The following CCM2 variants were observed in gnomAD, a reference collection of about 807,000 sequenced individuals.
The protein encoded by CCM2 is CCM2 scaffold protein, also known as cerebral cavernous malformations 2 protein.
CCM2 carries 25 observed loss-of-function variants against 44.9 expected under a neutral mutation model. The ratio of observed to expected loss-of-function variants is 0.56; its 90% CI spans 0.41 to 0.78. The LOEUF (loss-of-function observed/expected upper bound fraction) is 0.78, where lower values mean the gene tolerates loss of function less well. Ranked by LOEUF, CCM2 falls within the 30% of genes least tolerant of loss-of-function variation. The probability of loss-of-function intolerance (pLI) is 0.00; values close to 1 mark genes in which losing one functional copy is unlikely to be tolerated. For missense variants in CCM2, 481 were observed against 580.6 expected, an observed-to-expected ratio of 0.83 and a Z score of 1.76; for synonymous variants, 219 against 241.1, an observed-to-expected ratio of 0.91 and a Z score of 0.85.
At chr7:45,005,835 G>A (rs911312499) in intron 1 of CCM2, among the ~76,000 whole-genome samples, 3 of 152,216 alleles carry the variant, frequency 2.0e-5, no homozygotes, top group African/African-American at 4.8e-5. Context: ...GGTTGAGACC[G>A]GGACTGTGTC....
chr7:45,037,030 G>A (rs186122427), intron 1 of CCM2, among the ~76,000 whole-genome samples: 35 of 152,256 alleles, frequency 2.3e-4, no homozygotes, highest in African/African-American at 8.2e-4. Context: ...TTGCAGGCCT[G>A]CGTGATGTTT....
chr7:45,034,664 G>A (rs928424063), intron 1 of CCM2, among the ~76,000 whole-genome samples: 10 of 145,866 alleles, frequency 6.9e-5, no homozygotes, highest in African/African-American at 2.5e-4. Flanking sequence ...GATTACAGGC[G>A]CCCGCCACCA....
At chr7:44,999,765 C>T (rs934886085), upstream of CCM2, 3 of 449,710 alleles carry the variant, frequency 6.7e-6, no homozygotes, top group African/African-American at 6.0e-5. Flanking sequence ...AGTCGGCCGC[C>T]GTAAAGATGG....
intron 1 of CCM2, among the ~76,000 whole-genome samples, chr7:45,005,947 T>A (rs1405170951): frequency 1.3e-5 from 2 of 152,214 alleles, no homozygotes; most frequent in African/African-American, 4.8e-5. Context: ...TTGAAGCCAC[T>A]GGAGGTGTTC....
chr7:45,027,534 AAC>A (rs1383535862), intron 1 of CCM2: 13 of 1,280,322 alleles, frequency 1.0e-5, no homozygotes, highest in Admixed American at 8.6e-5. Context: ...GGATTTTGCC[AAC>A]AGTTTCTGGG....
At chr7:45,036,237 T>C (rs1797212578) in intron 1 of CCM2, among the ~76,000 whole-genome samples, 1 of 152,090 alleles carries the variant, frequency 6.6e-6, no homozygotes, top group African/African-American at 2.4e-5. Flanking sequence ...AGACTTTCTG[T>C]TGTGTTTTTT....
chr7:45,006,291 A>G (rs1237668148), intron 1 of CCM2, among the ~76,000 whole-genome samples: 1 of 150,338 alleles, frequency 6.7e-6, no homozygotes, highest in Non-Finnish European at 1.5e-5. Flanking sequence ...TGAAGCCCCT[A>G]CTTCCAGGAC....
At chr7:45,000,922 C>G (rs1264643701) in intron 1 of CCM2, among the ~76,000 whole-genome samples, 1 of 152,138 alleles carries the variant, frequency 6.6e-6, no homozygotes, top group African/African-American at 2.4e-5. Context: ...CAAAATGTGG[C>G]TTTAATTACA....
At chr7:45,065,151 T>TAGAATTGGGC (rs11276086) in intron 4 of CCM2, among the ~76,000 whole-genome samples, 3 of 151,766 alleles carry the variant, frequency 2.0e-5, no homozygotes, top group Admixed American at 6.6e-5. Flanking sequence ...CACAATGGGA[T>TAGAATTGGGC]AGAATTGGGC....
chr7:45,073,080 G>T (rs982945560), intron 7 of CCM2: 1 of 590,010 alleles, frequency 1.7e-6, no homozygotes, highest in Admixed American at 2.9e-5. Flanking sequence ...CGAGCCTGCC[G>T]AGGCGCTGGC....
rs1019431228 is a variant in CCM2, at chr7:45,020,028, A to T, written c.31-18225A>T. Among the ~76,000 whole-genome samples, 8 of 152,010 alleles carry T rather than the reference A, an allele frequency of 5.3e-5. No homozygotes were observed. In the South Asian group the frequency reaches 6.2e-4, roughly 12 times the overall value. ...TTTTTTAGTGGGTTCCTCCTTTCCT[A>T]TATTTCCCTCTCAATTTCCAGCTTC... On this transcript the variant is annotated intron_variant, in intron 1 of 9. Coordinates refer to ENST00000258781, the MANE Select transcript of CCM2 (RefSeq NM_031443.4).
chr7:45,051,751 C>T (rs941900037), intron 2 of CCM2, among the ~76,000 whole-genome samples: 9 of 152,134 alleles, frequency 5.9e-5, no homozygotes, highest in African/African-American at 1.4e-4. Context: ...TTAGTAGAGA[C>T]GGGGTTTCAC....
intron 1 of CCM2, among the ~76,000 whole-genome samples, chr7:45,018,322 T>C (rs1189688941): frequency 6.6e-6 from 1 of 152,256 alleles, no homozygotes; most frequent in South Asian, 2.1e-4. Flanking sequence ...TATAGAATTC[T>C]AGGTTGACTG....
At chr7:45,003,096 A>G (rs1053760698) in intron 1 of CCM2, among the ~76,000 whole-genome samples, 1 of 151,638 alleles carries the variant, frequency 6.6e-6, no homozygotes, top group African/African-American at 2.4e-5. Context: ...TTTTTTTGAG[A>G]TAGAGTTTCG....
intron 1 of CCM2, among the ~76,000 whole-genome samples, chr7:45,031,931 T>G (rs1303572380): frequency 2.6e-5 from 4 of 152,116 alleles, no homozygotes; most frequent in Admixed American, 2.0e-4. Context: ...GGTGGCTTCT[T>G]GTTCAGTTTT....
chr7:45,070,248 C>T (rs561095341), intron 6 of CCM2: 5 of 455,608 alleles, frequency 1.1e-5, no homozygotes, highest in East Asian at 4.6e-5. Context: ...AGTCACTTCA[C>T]TTAACTCGGA....
intron 2 of CCM2, 118 bp from the exon 3 acceptor site, chr7:45,063,800 G>A (rs1798635023): frequency 2.6e-6 from 2 of 761,014 alleles, no homozygotes; most frequent in Non-Finnish European, 4.8e-6. Flanking sequence ...CCGGAATGGA[G>A]ACCCATGGGC....
At chr7:45,036,965 G>A (rs1797250485) in intron 1 of CCM2, among the ~76,000 whole-genome samples, 2 of 152,160 alleles carry the variant, frequency 1.3e-5, no homozygotes, top group African/African-American at 4.8e-5. Context: ...TCTGTTGAGA[G>A]TTATGGAGGA....
chr7:45,023,988 T>G (rs1279950242), intron 1 of CCM2, among the ~76,000 whole-genome samples: 9 of 152,030 alleles, frequency 5.9e-5, no homozygotes, highest in Non-Finnish European at 1.2e-4. Flanking sequence ...TTTTGTATTT[T>G]TAGTAGAGTT....
Sources: allele counts gnomAD v4.1 joint callset (sites outside exome capture counted in the v4.1 genomes callset), GRCh38; gene constraint gnomAD v4.1.1; transcripts MANE v1.5; gene names NCBI Gene and HGNC (gene_info 2026-07-23, HGNC 2026-07-21).